Variants in KRTAP9-3 observed in about 807,000 individuals in gnomAD.
KRTAP9-3 encodes keratin-associated protein 9-3.
In KRTAP9-3, 12 loss-of-function variants were observed where a neutral mutation model predicts 13.0. That is an observed-to-expected ratio of 0.93 (90% confidence interval 0.59 to 1.50). KRTAP9-3 has a LOEUF of 1.50. KRTAP9-3 is among the 40% of genes most tolerant of loss of function. The probability of loss-of-function intolerance (pLI) is 0.00; values close to 1 mark genes in which losing one functional copy is unlikely to be tolerated. For synonymous variants in KRTAP9-3, 89 were observed against 68.7 expected (o/e 1.29, Z -1.46); for missense variants, 232 against 195.2 (o/e 1.19, Z -1.12).
chr17:41,233,199 A>T lies in KRTAP9-3; in HGVS notation c.*218A>T. ...CCTTACACCTTGTGGATCATGTGCC[A>T]GCTTCGTCTGTTCTTAATTTGGAGT... On this transcript the variant is annotated 3_prime_UTR_variant, in exon 1 of 1. Transcript: ENST00000411528. The T allele has an allele frequency of 1.2e-6, 1 of 831,538 alleles. No homozygotes were observed. The highest frequency in any genetic ancestry group is 1.9e-6 in the Non-Finnish European group (1 of 539,574). The allele number at this position is 831,538 out of a possible 1,614,324, so 51.5% of individuals were successfully genotyped here. A position where few individuals can be genotyped will look rare whatever the true frequency, so the allele number is the denominator to read the frequency against.
In KRTAP9-3 at chr17:41,232,782, G is replaced by A; in HGVS notation, c.281G>A (p.Ser94Asn). The A allele has an allele frequency of 1.2e-6, 2 of 1,607,762 alleles. No individual in the cohort carries two copies. The highest frequency in any genetic ancestry group is 1.7e-6 in the Non-Finnish European group (2 of 1,179,932). ...TCCGSSCGQS[S>N]SCAPVYCRRT... is the part of the protein sequence containing the mutation. ...TGTGGGTCCAGCTGTGGTCAGAGCA[G>A]CTCCTGTGCACCTGTGTACTGCAGA... The change falls in exon 1 of 1, where the codon AGC becomes AAC. Residue 94 changes from serine to asparagine, a missense_variant. Transcript: ENST00000411528.
At position 41,233,003 on chromosome 17, in the gene KRTAP9-3, A is replaced by T; in HGVS notation, c.*22A>T. 5.6e-6 allele frequency: 9 copies of T among 1,607,190 alleles called. No individual in the cohort carries two copies. Among genetic ancestry groups the T allele is most frequent in the Non-Finnish European group, 7.6e-6 (9 of 1,178,738 alleles). ...CTAATCAACTCCCAAGAGAACTACCATCCTCACACAACAACCTTCAGCTCA... is the reference window on the plus strand; with the variant it reads ...CTAATCAACTCCCAAGAGAACTACCTTCCTCACACAACAACCTTCAGCTCA... On this transcript the variant is annotated 3_prime_UTR_variant, in exon 1 of 1. Transcript: ENST00000411528.
rs774911445 is a variant in KRTAP9-3, at chr17:41,233,220, G to A, written c.*239G>A. The A allele has an allele frequency of 1.3e-6, 1 of 745,180 alleles. No homozygotes were observed. The highest frequency in any genetic ancestry group is 2.1e-6 in the Non-Finnish European group (1 of 467,336). The allele number at this position is 745,180 out of a possible 1,614,324, so 46.2% of individuals were successfully genotyped here. ...TGCCAGCTTCGTCTGTTCTTAATTT[G>A]GAGTCATGATCTCAGCTTTGTCTCA... On this transcript the variant is annotated 3_prime_UTR_variant, in exon 1 of 1. Transcript: ENST00000411528.
chr17:41,233,168 C>A lies in KRTAP9-3; in HGVS notation c.*187C>A, dbSNP rs1483959336. 6.1e-6 allele frequency: 6 copies of A among 987,392 alleles called. No homozygotes were observed. The highest frequency in any genetic ancestry group is 9.0e-6 in the Non-Finnish European group (6 of 668,806). 61.2% of individuals were successfully genotyped at this position (987,392 alleles called of 1,614,324 possible). ...GGGCAGAATACTTCATCCTCATTCC[C>A]TCTTTCCTTACACCTTGTGGATCAT... On this transcript the variant is annotated 3_prime_UTR_variant, in exon 1 of 1. Transcript: ENST00000411528.
rs776078461 is a variant in KRTAP9-3, at chr17:41,232,844, G to T, written c.343G>T (p.Gly115Cys). ...CYHPTSVCLP[G>C]CLNQSCGSNC... ...CCACCCCACAAGTGTTTGTCTGCCT[G>T]GTTGCCTAAACCAGAGCTGTGGCTC... is the stretch of plus-strand genomic sequence containing the variant. Residue 115 changes from glycine to cysteine, a missense_variant, in exon 1 of 1, where the codon GGT becomes TGT. By Grantham distance (159) the Gly-to-Cys change is radical (BLOSUM62 -3). Coordinates refer to ENST00000411528, the MANE Select transcript of KRTAP9-3 (RefSeq NM_031962.3). 3 of 1,607,356 alleles carry T rather than the reference G, an allele frequency of 1.9e-6. No homozygotes were observed. In the Admixed American group the frequency reaches 5.0e-5, roughly 27 times the overall value.
chr17:41,233,334 A>G lies in KRTAP9-3; in HGVS notation c.*353A>G, dbSNP rs951199634. 1.1e-5 allele frequency: 4 copies of G among 373,012 alleles called. No homozygotes were observed. The highest frequency in any genetic ancestry group is 1.1e-4 in the East Asian group (2 of 18,692). The allele number at this position is 373,012 out of a possible 1,614,324, so 23.1% of individuals were successfully genotyped here. A position where few individuals can be genotyped will look rare whatever the true frequency, so the allele number is the denominator to read the frequency against. On this transcript the variant is annotated 3_prime_UTR_variant, in exon 1 of 1. Coordinates refer to ENST00000411528, the MANE Select transcript of KRTAP9-3 (RefSeq NM_031962.3). ...TTGCAATTATATTTTCATTTTAAAT[A>G]TCCTTCTCATGGTTCTTGTATCCTT... is the stretch of plus-strand genomic sequence containing the variant.
At position 41,232,673 on chromosome 17, in the gene KRTAP9-3, A is replaced by G. The variant is rs2015875211; in HGVS notation, c.172A>G (p.Arg58Gly). The G allele has an allele frequency of 6.2e-7, 1 of 1,607,872 alleles. No individual in the cohort carries two copies. Among genetic ancestry groups the G allele is most frequent in the Admixed American group, 1.7e-5 (1 of 59,924 alleles). Reference sequence around the variant, plus strand: ...AACTTGCTGTCAAAACACCTGCTGTAGGACCACCTGCTGCCAGCCCATCTG... The same window carrying G: ...AACTTGCTGTCAAAACACCTGCTGTGGGACCACCTGCTGCCAGCCCATCTG... Reference protein sequence around the residue: ...HPTCCQNTCCRTTCCQPICVT... With the variant: ...HPTCCQNTCCGTTCCQPICVT... The change falls in exon 1 of 1, where the codon AGG (arginine) becomes GGG (glycine). Residue 58 changes from arginine to glycine, a missense_variant. Arg to Gly is a moderately radical substitution (Grantham distance 125). Transcript: ENST00000411528.
Position 41,232,669 on chromosome 17 carries a change from C to T in KRTAP9-3, c.168C>T (p.Cys56=), listed in dbSNP as rs1202239906. 1.9e-6 allele frequency: 3 copies of T among 1,608,434 alleles called. No individual in the cohort carries two copies. Among genetic ancestry groups the T allele is most frequent in the African/African-American group, 2.9e-5 (2 of 69,580 alleles). ...ACCCAACTTGCTGTCAAAACACCTG[C>T]TGTAGGACCACCTGCTGCCAGCCCA... ...CCHPTCCQNT[C]CRTTCCQPIC... Residue 56 remains cysteine (C), a synonymous_variant, in exon 1 of 1, where the codon TGC becomes TGT. Transcript: ENST00000411528.
At position 41,232,643 on chromosome 17, in the gene KRTAP9-3, C is replaced by T; in HGVS notation, c.142C>T (p.His48Tyr). Residue 48 changes from histidine to tyrosine, a missense_variant, in exon 1 of 1, where the codon CAC (histidine) becomes TAC (tyrosine). Transcript: ENST00000411528. ...TTCCAGCTGCTGCCAGCCTTGCTGCCACCCAACTTGCTGTCAAAACACCTG... is the reference window on the plus strand; with the variant it reads ...TTCCAGCTGCTGCCAGCCTTGCTGCTACCCAACTTGCTGTCAAAACACCTG... ...CVSSCCQPCC[H>Y]PTCCQNTCCR... The T allele has an allele frequency of 1.9e-6, 3 of 1,607,530 alleles. No individual in the cohort carries two copies. Among genetic ancestry groups the T allele is most frequent in the South Asian group, 1.1e-5 (1 of 91,058 alleles).
Position 41,232,804 on chromosome 17 carries a change from C to G in KRTAP9-3, c.303C>G (p.Cys101Trp), listed in dbSNP as rs1030620610. ...GQSSSCAPVY[C>W]RRTCYHPTSV... ...GCAGCTCCTGTGCACCTGTGTACTGCAGAAGAACCTGCTACCACCCCACAA... is the reference window on the plus strand; with the variant it reads ...GCAGCTCCTGTGCACCTGTGTACTGGAGAAGAACCTGCTACCACCCCACAA... Residue 101 changes from cysteine (C) to tryptophan (W), a missense_variant, in exon 1 of 1, where the codon TGC (cysteine) becomes TGG (tryptophan). Physicochemically the swap from Cys to Trp is radical, Grantham distance 215. Transcript: ENST00000411528. The G allele has an allele frequency of 6.2e-7, 1 of 1,608,122 alleles. No homozygotes were observed. The highest frequency in any genetic ancestry group is 1.4e-5 in the African/African-American group (1 of 69,258).
In KRTAP9-3 at chr17:41,232,949, G is replaced by A. The variant is rs761379867; in HGVS notation, c.448G>A (p.Val150Met). The A allele has an allele frequency of 1.2e-5, 19 of 1,608,654 alleles. No individual in the cohort carries two copies. The highest frequency in any genetic ancestry group is 1.5e-5 in the Non-Finnish European group (18 of 1,179,862). The change falls in exon 1 of 1, where the codon GTG (valine) becomes ATG (methionine). Residue 150 changes from valine (V) to methionine (M), a missense_variant. Physicochemically the swap from Val to Met is conservative, Grantham distance 21 (BLOSUM62 1). Coordinates refer to ENST00000411528, the MANE Select transcript of KRTAP9-3 (RefSeq NM_031962.3). ...CRTTCFQPTC[V>M]YSCCQPSCC is the part of the protein sequence containing the mutation. Reference sequence around the variant, plus strand: ...GACCACTTGTTTCCAGCCCACCTGTGTGTACAGCTGCTGCCAGCCTTCTTG... The same window carrying A: ...GACCACTTGTTTCCAGCCCACCTGTATGTACAGCTGCTGCCAGCCTTCTTG...
chr17:41,232,905 G>C lies in KRTAP9-3; in HGVS notation c.404G>C (p.Cys135Ser). Reference protein sequence around the residue: ...CCQPCCRPACCETTCCRTTCF... With the variant: ...CCQPCCRPACSETTCCRTTCF... ...CAGCCCTGCTGCCGCCCAGCCTGCT[G>C]TGAGACCACCTGCTGCAGGACCACT... The change falls in exon 1 of 1, where the codon TGT (cysteine) becomes TCT (serine). Residue 135 changes from cysteine (C) to serine (S), a missense_variant. Cys to Ser is a moderately radical substitution (Grantham distance 112, BLOSUM62 -1). Coordinates refer to ENST00000411528, the MANE Select transcript of KRTAP9-3 (RefSeq NM_031962.3). 4 of 1,608,582 alleles carry C rather than the reference G, an allele frequency of 2.5e-6. No homozygotes were observed. The highest frequency in any genetic ancestry group is 1.1e-5 in the South Asian group (1 of 91,064).
In KRTAP9-3 at chr17:41,232,866, G is replaced by A; in HGVS notation, c.365G>A (p.Gly122Asp). ...CLPGCLNQSCGSNCCQPCCRP... is the reference protein window; with the variant it reads ...CLPGCLNQSCDSNCCQPCCRP... ...CCTGGTTGCCTAAACCAGAGCTGTG[G>A]CTCCAACTGCTGCCAGCCCTGCTGC... The change falls in exon 1 of 1, where the codon GGC becomes GAC. Residue 122 changes from glycine to aspartate, a missense_variant. By Grantham distance (94) the Gly-to-Asp change is moderately conservative. Coordinates refer to ENST00000411528, the MANE Select transcript of KRTAP9-3 (RefSeq NM_031962.3). 1 of 1,606,416 alleles carries A rather than the reference G, an allele frequency of 6.2e-7. No homozygotes were observed.
At position 41,233,030 on chromosome 17, in the gene KRTAP9-3, C is replaced by T. The variant is rs985077266; in HGVS notation, c.*49C>T. On this transcript the variant is annotated 3_prime_UTR_variant, in exon 1 of 1. Coordinates refer to ENST00000411528, the MANE Select transcript of KRTAP9-3 (RefSeq NM_031962.3). ...CCTCACACAACAACCTTCAGCTCAA[C>T]TGACTTGTCTTTTGAGGGACTAATT... The T allele has an allele frequency of 5.0e-6, 8 of 1,598,908 alleles. 1 individual carries two copies. In the African/African-American group the frequency reaches 8.6e-5, roughly 17 times the overall value.
In KRTAP9-3 at chr17:41,233,245, A is replaced by G; in HGVS notation, c.*264A>G. 1 of 612,188 alleles carries G rather than the reference A, an allele frequency of 1.6e-6. No homozygotes were observed. Among genetic ancestry groups the G allele is most frequent in the Non-Finnish European group, 2.8e-6 (1 of 360,022 alleles). The allele number at this position is 612,188 out of a possible 1,614,324, so 37.9% of individuals were successfully genotyped here. ...GGAGTCATGATCTCAGCTTTGTCTC[A>G]AAAATCAAGAGCTTCATTCTTTGCT... On this transcript the variant is annotated 3_prime_UTR_variant, in exon 1 of 1. Transcript: ENST00000411528.
At position 41,233,208 on chromosome 17, in the gene KRTAP9-3, T is replaced by C. The variant is rs1224622061; in HGVS notation, c.*227T>C. On this transcript the variant is annotated 3_prime_UTR_variant, in exon 1 of 1. Transcript: ENST00000411528. ...TTGTGGATCATGTGCCAGCTTCGTC[T>C]GTTCTTAATTTGGAGTCATGATCTC... 1 of 800,978 alleles carries C rather than the reference T, an allele frequency of 1.2e-6. No individual in the cohort carries two copies. The highest frequency in any genetic ancestry group is 1.9e-6 in the Non-Finnish European group (1 of 514,790). 49.6% of individuals were successfully genotyped at this position (800,978 alleles called of 1,614,324 possible).
At position 41,232,927 on chromosome 17, in the gene KRTAP9-3, C is replaced by G. The variant is rs749799149; in HGVS notation, c.426C>G (p.Thr142=). 3 of 1,607,452 alleles carry G rather than the reference C, an allele frequency of 1.9e-6. 1 individual carries two copies. Among genetic ancestry groups the G allele is most frequent in the African/African-American group, 2.9e-5 (2 of 69,168 alleles). ...GCTGTGAGACCACCTGCTGCAGGAC[C>G]ACTTGTTTCCAGCCCACCTGTGTGT... The part of the protein sequence containing the change: ...PACCETTCCR[T]TCFQPTCVYS... Residue 142 remains threonine (T), a synonymous_variant, in exon 1 of 1, where the codon ACC becomes ACG. Transcript: ENST00000411528.
Position 41,233,055 on chromosome 17 carries a change from T to G in KRTAP9-3, c.*74T>G. On this transcript the variant is annotated 3_prime_UTR_variant, in exon 1 of 1. Transcript: ENST00000411528. ...CTGACTTGTCTTTTGAGGGACTAAT[T>G]TACTTTGCTGCTGACAGCCACCATG... 2 of 1,577,796 alleles carry G rather than the reference T, an allele frequency of 1.3e-6. No homozygotes were observed. Among genetic ancestry groups the G allele is most frequent in the South Asian group, 2.3e-5 (2 of 85,906 alleles).
Position 41,232,624 on chromosome 17 carries a change from C to G in KRTAP9-3, c.123C>G (p.Ser41Arg). Reference sequence around the variant, plus strand: ...GTCAGCCCTCCTGCTGTGTTTCCAGCTGCTGCCAGCCTTGCTGCCACCCAA... The same window carrying G: ...GTCAGCCCTCCTGCTGTGTTTCCAGGTGCTGCCAGCCTTGCTGCCACCCAA... ...PCCQPSCCVS[S>R]CCQPCCHPTC... The change falls in exon 1 of 1, where the codon AGC (serine) becomes AGG (arginine). Residue 41 changes from serine (S) to arginine (R), a missense_variant. Ser to Arg is a moderately radical substitution (Grantham distance 110). Transcript: ENST00000411528. The G allele has an allele frequency of 6.2e-7, 1 of 1,603,708 alleles. No homozygotes were observed. The highest frequency in any genetic ancestry group is 8.5e-7 in the Non-Finnish European group (1 of 1,176,432).
Sources: gnomAD v4.1 joint callset for allele counts on GRCh38, gnomAD v4.1.1 for gene constraint, MANE v1.5 for transcripts, NCBI Gene and HGNC (gene_info 2026-07-23, HGNC 2026-07-21) for gene names.